Variants in MBOAT2 observed in about 807,000 individuals in gnomAD.
MBOAT2 encodes membrane-bound glycerophospholipid O-acyltransferase 2.
Under a neutral mutation model 63.4 loss-of-function variants are expected in MBOAT2, and 28 were observed. That is an observed-to-expected ratio of 0.44 (90% CI 0.33 to 0.61). The LOEUF (loss-of-function observed/expected upper bound fraction) is 0.61, where lower values mean the gene tolerates loss of function less well. MBOAT2 is among the 20% of genes least tolerant of loss of function. MBOAT2 has a pLI of 0.03. For missense variants in MBOAT2, 470 were observed against 605.8 expected (o/e 0.78, Z 2.35); for synonymous variants, 211 against 215.6 (o/e 0.98, Z 0.19).
intron 3 of MBOAT2, among the ~76,000 whole-genome samples, chr2:8,921,514 C>G (rs973194365): frequency 3.9e-5 from 6 of 152,154 alleles, no homozygotes; most frequent in Non-Finnish European, 7.4e-5. Context: ...TCCATATTTA[C>G]CCACCTATTT....
intron 5 of MBOAT2, 34 bp from the exon 6 acceptor site, chr2:8,882,599 A>G: frequency 6.2e-7 from 1 of 1,608,608 alleles, no homozygotes; most frequent in Non-Finnish European, 8.5e-7. Context: ...ATCAATTAAG[A>G]TTTCTCCCCA....
At chr2:8,963,572 G>C (rs1181625582) in intron 1 of MBOAT2, among the ~76,000 whole-genome samples, 2 of 151,888 alleles carry the variant, frequency 1.3e-5, no homozygotes, top group Non-Finnish European at 2.9e-5. Flanking sequence ...CAAAGTGCTG[G>C]GATTATAGGC....
At position 8,940,456 on chromosome 2, in the gene MBOAT2, T is replaced by C. The variant is rs186615843; in HGVS notation, c.299+2731A>G. Among the ~76,000 whole-genome samples the C allele has an allele frequency of 1.5e-3, 235 of 152,238 alleles. 1 individual carries two copies. Among genetic ancestry groups the C allele is most frequent in the Non-Finnish European group, 2.8e-3 (193 of 68,018 alleles). ...ACAGGCATGCACCACCACGCCTGGC[T>C]AATTTTTTGTATTTTTAGTAGAGAT... On this transcript the variant is annotated intron_variant, in intron 3 of 12. Transcript: ENST00000305997.
intron 4 of MBOAT2, among the ~76,000 whole-genome samples, chr2:8,897,461 CCTTT>C (rs960519377): frequency 6.6e-6 from 1 of 152,286 alleles, no homozygotes; most frequent in African/African-American, 2.4e-5. Context: ...TTAGGAACTC[CCTTT>C]CTTTCCATAT....
At chr2:8,972,007 G>GA (rs1309302089) in intron 1 of MBOAT2, among the ~76,000 whole-genome samples, 7 of 152,054 alleles carry the variant, frequency 4.6e-5, no homozygotes, top group African/African-American at 1.7e-4. Flanking sequence ...CACAGAATTG[G>GA]AAAAAACTAC....
At position 8,958,568 on chromosome 2, in the gene MBOAT2, T is replaced by G. The variant is rs761829337; in HGVS notation, c.150A>C (p.Lys50Asn). 1.1e-5 allele frequency: 17 copies of G among 1,612,624 alleles called. No individual in the cohort carries two copies. The highest frequency in any genetic ancestry group is 1.4e-5 in the Non-Finnish European group (17 of 1,179,600). The change falls in exon 2 of 13, where the codon AAA becomes AAC. Residue 50 changes from lysine (K) to asparagine (N), a missense_variant. Transcript: ENST00000305997. The stretch of plus-strand genomic sequence containing the variant: ...CTACATGTCTTATAAAAGAGCTAGT[T>G]TTGCTTGAATGTAGATAAGTTCGAA... ...IWFRTYLHSS[K>N]TSSFIRHVVA...
At chr2:8,909,900 A>G (rs1665588401) in intron 3 of MBOAT2, among the ~76,000 whole-genome samples, 1 of 152,030 alleles carries the variant, frequency 6.6e-6, no homozygotes, top group Non-Finnish European at 1.5e-5. Flanking sequence ...CATTTTATAC[A>G]CTCTTCTGCA....
At chr2:8,878,284 T>C (rs745810263) in intron 6 of MBOAT2, among the ~76,000 whole-genome samples, 2 of 152,214 alleles carry the variant, frequency 1.3e-5, no homozygotes, top group Non-Finnish European at 2.9e-5. Context: ...AGACTATTTA[T>C]GTTACCATAT....
intron 2 of MBOAT2, among the ~76,000 whole-genome samples, chr2:8,955,885 A>C (rs1238359955): frequency 6.6e-6 from 1 of 152,200 alleles, no homozygotes; most frequent in African/African-American, 2.4e-5. Context: ...TCAAAGCAAG[A>C]CACTCTACCA....
Position 8,957,073 on chromosome 2 carries a change from T to C in MBOAT2, c.221+1424A>G, listed in dbSNP as rs1461802934. Among the ~76,000 whole-genome samples the C allele has an allele frequency of 2.6e-5, 4 of 152,208 alleles. No individual in the cohort carries two copies. The East Asian group carries it at 5.8e-4, about 22-fold the overall frequency. ...ATCAAAGTTATTTGTGGATGAAATG[T>C]ATAGACTGGGATATACTTTAAAATA... On this transcript the variant is annotated intron_variant, in intron 2 of 12. Coordinates refer to ENST00000305997, the MANE Select transcript of MBOAT2 (RefSeq NM_138799.4).
intron 8 of MBOAT2, among the ~76,000 whole-genome samples, chr2:8,870,901 C>G (rs1017315345): frequency 3.2e-4 from 48 of 152,240 alleles, no homozygotes; most frequent in Middle Eastern, 3.4e-3. Context: ...GCACAAGATT[C>G]ATTTTTCAAA....
At chr2:8,970,401 G>T (rs1670363198) in intron 1 of MBOAT2, among the ~76,000 whole-genome samples, 1 of 152,176 alleles carries the variant, frequency 6.6e-6, no homozygotes, top group Non-Finnish European at 1.5e-5. Flanking sequence ...AGCACTAAAT[G>T]CCCACAAGAG....
At chr2:8,903,451 G>A (rs1573008978) in intron 4 of MBOAT2, among the ~76,000 whole-genome samples, 1 of 151,920 alleles carries the variant, frequency 6.6e-6, no homozygotes, top group Non-Finnish European at 1.5e-5. Context: ...TATCCTTGAT[G>A]TGAATAAACA....
intron 1 of MBOAT2, among the ~76,000 whole-genome samples, chr2:8,984,988 C>T (rs557832687): frequency 2.4e-4 from 36 of 152,234 alleles, no homozygotes; most frequent in African/African-American, 8.2e-4. Flanking sequence ...GGCGGCTACA[C>T]AGAATGCAGC....
chr2:8,901,579 A>G (rs1664929874), intron 4 of MBOAT2, among the ~76,000 whole-genome samples: 1 of 152,232 alleles, frequency 6.6e-6, no homozygotes, highest in African/African-American at 2.4e-5. Flanking sequence ...CAGAGTTACA[A>G]GAGTGATGCC....
chr2:8,979,475 T>C (rs1442444468), intron 1 of MBOAT2, among the ~76,000 whole-genome samples: 2 of 152,108 alleles, frequency 1.3e-5, no homozygotes, highest in African/African-American at 2.4e-5. Context: ...GGGATGTGCA[T>C]TTTATAAGGA....
chr2:8,892,415 G>A (rs1664068991), intron 4 of MBOAT2, among the ~76,000 whole-genome samples: 1 of 152,072 alleles, frequency 6.6e-6, no homozygotes, highest in African/African-American at 2.4e-5. Flanking sequence ...TAATGGAAAA[G>A]TCCATTGGTC....
At chr2:8,965,178 A>C (rs2103293331) in intron 1 of MBOAT2, among the ~76,000 whole-genome samples, 1 of 152,328 alleles carries the variant, frequency 6.6e-6, no homozygotes, top group African/African-American at 2.4e-5. Flanking sequence ...AAATAGTTCA[A>C]GTGTAATTAT....
chr2:8,989,055 CT>C (rs931931036), intron 1 of MBOAT2, among the ~76,000 whole-genome samples: 1 of 152,192 alleles, frequency 6.6e-6, no homozygotes, highest in Non-Finnish European at 1.5e-5. Context: ...TTAGATGACA[CT>C]GTTGATCGTT....
Sources: allele counts gnomAD v4.1 joint callset (sites outside exome capture counted in the v4.1 genomes callset), GRCh38; gene constraint gnomAD v4.1.1; transcripts MANE v1.5; gene names NCBI Gene and HGNC (gene_info 2026-07-23, HGNC 2026-07-21).